Variants in C10orf90 observed in about 807,000 individuals in gnomAD.
C10orf90 encodes chromosome 10 open reading frame 90, also known as (E2-independent) E3 ubiquitin-conjugating enzyme FATS.
C10orf90 carries 56 observed loss-of-function variants against 62.5 expected under a neutral mutation model. That is an observed-to-expected ratio of 0.90 (90% CI 0.72 to 1.12). C10orf90 has a LOEUF of 1.12. Ranked by LOEUF, C10orf90 falls within the 50% of genes most tolerant of loss-of-function variation. The probability of loss-of-function intolerance (pLI) is 0.00; values close to 1 mark genes in which losing one functional copy is unlikely to be tolerated. For synonymous variants in C10orf90, 386 were observed against 340.4 expected (o/e 1.13, Z -1.47); for missense variants, 970 against 880.4 (o/e 1.10, Z -1.29).
chr10:126,551,395 A>C (rs1012778659), intron 2 of C10orf90, among the ~76,000 whole-genome samples: 6 of 152,224 alleles, frequency 3.9e-5, no homozygotes, highest in Non-Finnish European at 7.3e-5. Context: ...GTCCTTGTGC[A>C]ATGTACTGGG....
chr10:126,484,633 C>T (rs961054903), intron 4 of C10orf90, among the ~76,000 whole-genome samples: 8 of 152,174 alleles, frequency 5.3e-5, no homozygotes, highest in Non-Finnish European at 7.3e-5. Context: ...CACATTACCA[C>T]GATACTTTTT....
intron 3 of C10orf90, among the ~76,000 whole-genome samples, chr10:126,510,343 T>C (rs1029187176): frequency 1.3e-5 from 2 of 152,234 alleles, no homozygotes; most frequent in Non-Finnish European, 2.9e-5. Context: ...GTCAGCCGAC[T>C]ACTTTTAAAA....
At chr10:126,541,187 T>A (rs1864367609) in intron 2 of C10orf90, among the ~76,000 whole-genome samples, 1 of 152,100 alleles carries the variant, frequency 6.6e-6, no homozygotes, top group African/African-American at 2.4e-5. Flanking sequence ...ATTCTGGCTA[T>A]AAAAGTAACT....
At chr10:126,565,243 A>T (rs1416402983) in intron 2 of C10orf90, among the ~76,000 whole-genome samples, 4 of 45,196 alleles carry the variant, frequency 8.9e-5, no homozygotes, top group African/African-American at 2.8e-4. Flanking sequence ...ATGTAATATA[A>T]TATTTATTAT....
intron 2 of C10orf90, among the ~76,000 whole-genome samples, chr10:126,596,113 A>G (rs1048112658): frequency 9.9e-5 from 15 of 151,030 alleles, no homozygotes; most frequent in African/African-American, 3.7e-4. Context: ...AGCCTGGGCT[A>G]CATAGTGAGA....
chr10:126,507,154 A>G (rs1255158019), intron 3 of C10orf90, among the ~76,000 whole-genome samples: 3 of 152,094 alleles, frequency 2.0e-5, no homozygotes, highest in Non-Finnish European at 4.4e-5. Context: ...TCAGGAGATT[A>G]AGACAATCCT....
At chr10:126,433,112 G>A in intron 7 of C10orf90, among the ~76,000 whole-genome samples, 1 of 152,158 alleles carries the variant, frequency 6.6e-6, no homozygotes, top group Non-Finnish European at 1.5e-5. Flanking sequence ...CTTCTACCCT[G>A]TACAGGTAGA....
chr10:126,642,337 C>G (rs1467720209), intron 2 of C10orf90, among the ~76,000 whole-genome samples: 2 of 152,088 alleles, frequency 1.3e-5, no homozygotes, highest in Non-Finnish European at 2.9e-5. Context: ...TCGAGACCAT[C>G]CTGGCTAACA....
At position 126,434,820 on chromosome 10, in the gene C10orf90, T is replaced by C. The variant is rs573740172; in HGVS notation, c.2189-4970A>G. On this transcript the variant is annotated intron_variant, in intron 7 of 9. Transcript: ENST00000488181. The stretch of plus-strand genomic sequence containing the variant: ...TAATTCCATCACGGTTCTCAGGGTT[T>C]AAACTTGAACATTTCTGTTCAGCTC... 5.9e-5 allele frequency among the ~76,000 whole-genome samples: 9 copies of C among 152,326 alleles called. No individual in the cohort carries two copies. In the South Asian group the frequency reaches 1.9e-3, roughly 32 times the overall value.
At chr10:126,528,587 T>C (rs1564858434) in intron 2 of C10orf90, among the ~76,000 whole-genome samples, 1 of 152,340 alleles carries the variant, frequency 6.6e-6, no homozygotes, top group Admixed American at 6.5e-5. Flanking sequence ...AATTCTGCAG[T>C]GGCAATACCC....
At chr10:126,439,893 G>T (rs1337533165) in intron 7 of C10orf90, among the ~76,000 whole-genome samples, 2 of 152,152 alleles carry the variant, frequency 1.3e-5, no homozygotes, top group Admixed American at 6.5e-5. Flanking sequence ...GTAGCAGCGG[G>T]AAAGGCCCTG....
At position 126,451,092 on chromosome 10, in the gene C10orf90, G is replaced by A. The variant is rs151300954; in HGVS notation, c.2188+7948C>T. On this transcript the variant is annotated intron_variant, in intron 7 of 9. Coordinates refer to ENST00000488181, the MANE Select transcript of C10orf90 (RefSeq NM_001350921.2). ...GGCCAACAGGTATATGAGAAAACAC[G>A]CAACATCACAAACCATCAGGGAAAT... is the stretch of plus-strand genomic sequence containing the variant. Among the ~76,000 whole-genome samples the A allele has an allele frequency of 9.9e-5, 15 of 151,684 alleles. No homozygotes were observed. In the East Asian group the frequency reaches 2.1e-3, roughly 21 times the overall value.
chr10:126,654,249 G>A (rs1846348675), intron 1 of C10orf90, among the ~76,000 whole-genome samples: 1 of 152,170 alleles, frequency 6.6e-6, no homozygotes, highest in Non-Finnish European at 1.5e-5. Flanking sequence ...AGTCCTAGAA[G>A]GCATCGTCTT....
intron 2 of C10orf90, among the ~76,000 whole-genome samples, chr10:126,530,300 C>G (rs941580380): frequency 2.0e-5 from 3 of 150,784 alleles, no homozygotes; most frequent in African/African-American, 7.3e-5. Context: ...GATAGAAAAA[C>G]TTGACAAAGT....
At chr10:126,513,814 G>T in intron 3 of C10orf90, 34 bp downstream of exon 3, 3 of 1,369,266 alleles carry the variant, frequency 2.2e-6, no homozygotes, top group Non-Finnish European at 3.1e-6. Context: ...GGTGCATTTT[G>T]CTGACTATTC....
chr10:126,627,166 A>AT (rs1845763235), intron 2 of C10orf90, among the ~76,000 whole-genome samples: 1 of 151,314 alleles, frequency 6.6e-6, no homozygotes, highest in African/African-American at 2.4e-5. Flanking sequence ...CGCCCGGCTA[A>AT]TTTTTTGTAT....
chr10:126,468,376 C>T (rs1249367502), intron 4 of C10orf90, among the ~76,000 whole-genome samples: 1 of 152,156 alleles, frequency 6.6e-6, no homozygotes, highest in Non-Finnish European at 1.5e-5. Flanking sequence ...CAAAAGCTAG[C>T]TATTTTAAGG....
At chr10:126,452,258 G>A (rs1310015775) in intron 7 of C10orf90, among the ~76,000 whole-genome samples, 1 of 152,002 alleles carries the variant, frequency 6.6e-6, no homozygotes, top group African/African-American at 2.4e-5. Flanking sequence ...TTAATGACAA[G>A]TTTAAACTGC....
chr10:126,528,194 T>C (rs553270243), intron 2 of C10orf90, among the ~76,000 whole-genome samples: 6 of 152,210 alleles, frequency 3.9e-5, no homozygotes, highest in Admixed American at 3.9e-4. Flanking sequence ...TGAGAAGCCA[T>C]AGGCCGCGGG....
Sources: allele counts gnomAD v4.1 joint callset (sites outside exome capture counted in the v4.1 genomes callset), GRCh38; gene constraint gnomAD v4.1.1; transcripts MANE v1.5; gene names NCBI Gene and HGNC (gene_info 2026-07-23, HGNC 2026-07-21).